CNIH1: variants seen among roughly 807,000 people sequenced by gnomAD.
CNIH1 encodes cornichon family member 1.
CNIH1 carries 12 observed loss-of-function variants against 20.2 expected under a neutral mutation model. That is an observed-to-expected ratio of 0.59 (90% CI 0.38 to 0.96). CNIH1 has a LOEUF of 0.96. Among genes scored for constraint, CNIH1 ranks in the 40% least tolerant of loss-of-function variants. The probability of loss-of-function intolerance (pLI) is 0.00; values close to 1 mark genes in which losing one functional copy is unlikely to be tolerated. For synonymous variants in CNIH1, 69 were observed against 63.3 expected, an observed-to-expected ratio of 1.09 and a Z score of -0.43; for missense variants, 152 against 178.8, an observed-to-expected ratio of 0.85 and a Z score of 0.85.
At chr14:54,432,268 C>A in intron 2 of CNIH1, 48 bp from the exon 3 acceptor site, 1 of 1,008,640 alleles carries the variant, frequency 9.9e-7, no homozygotes, top group Non-Finnish European at 1.4e-6. Context: ...AGCATTAAGT[C>A]AACTACTAAT....
At chr14:54,432,073 T>C (rs1178749896) in intron 3 of CNIH1, 35 bp downstream of exon 3, 1 of 1,190,706 alleles carries the variant, frequency 8.4e-7, no homozygotes, top group South Asian at 1.8e-5. Context: ...TAAGTTTTAA[T>C]TTAAAAAAAT....
intron 1 of CNIH1, among the ~76,000 whole-genome samples, chr14:54,437,092 G>C (rs370021578): frequency 6.6e-6 from 1 of 152,200 alleles, no homozygotes; most frequent in African/African-American, 2.4e-5. Context: ...ACATACATTT[G>C]TAAGGATGCT....
At chr14:54,432,957 A>C (rs2030978931) in intron 2 of CNIH1, among the ~76,000 whole-genome samples, 1 of 152,174 alleles carries the variant, frequency 6.6e-6, no homozygotes, top group Non-Finnish European at 1.5e-5. Context: ...TACAGACACA[A>C]CAGAAGACCA....
At chr14:54,432,765 C>A (rs2030974922) in intron 2 of CNIH1, among the ~76,000 whole-genome samples, 1 of 152,140 alleles carries the variant, frequency 6.6e-6, no homozygotes, top group African/African-American at 2.4e-5. Context: ...GCCAATCAGC[C>A]AATAATCTCA....
intron 2 of CNIH1, among the ~76,000 whole-genome samples, chr14:54,432,846 A>G (rs2030976863): frequency 6.6e-6 from 1 of 152,210 alleles, no homozygotes; most frequent in Non-Finnish European, 1.5e-5. Context: ...AGGAGGGAAA[A>G]GACTGAGTTC....
chr14:54,441,261 A>G lies in CNIH1; in HGVS notation c.67T>C (p.Phe23Leu). 1 of 1,518,828 alleles carries G rather than the reference A, an allele frequency of 6.6e-7. No individual in the cohort carries two copies. Among genetic ancestry groups the G allele is most frequent in the Non-Finnish European group, 8.8e-7 (1 of 1,131,026 alleles). The allele number at this position is 1,518,828 out of a possible 1,614,324, so 94.1% of individuals were successfully genotyped here. A position where few individuals can be genotyped will look rare whatever the true frequency, so the allele number is the denominator to read the frequency against. The change falls in exon 1 of 5, where the codon TTC becomes CTC. Residue 23 changes from phenylalanine (F) to leucine (L), a missense_variant. Phe to Leu is a conservative substitution (Grantham distance 22). Transcript: ENST00000216416. Reference sequence around the variant, plus strand: ...CAGCTACTCACGTGCCAAATGGCGAAGAAGATGAGCGCGGCAGTGAGCAGC... The same window carrying G: ...CAGCTACTCACGTGCCAAATGGCGAGGAAGATGAGCGCGGCAGTGAGCAGC... ...ALLLTAALIF[F>L]AIWHIIAFDE...
chr14:54,430,161 G>T, intron 4 of CNIH1, 100 bp downstream of exon 4: 1 of 1,260,266 alleles, frequency 7.9e-7, no homozygotes, highest in Non-Finnish European at 1.1e-6. Flanking sequence ...AAGACACTAA[G>T]TTATTCTTCA....
chr14:54,427,856 A>G lies in CNIH1; in HGVS notation c.408-15T>C. On this transcript the variant is annotated splice_polypyrimidine_tract_variant and intron_variant, in intron 4 of 4. Coordinates refer to ENST00000216416, the MANE Select transcript of CNIH1 (RefSeq NM_005776.3). ...CATAGATCATGCTGAAAAGAAGAAA[A>G]AAGATGTTAATTTGAACATTACTAA... The G allele has an allele frequency of 6.2e-7, 1 of 1,612,688 alleles. No individual in the cohort carries two copies.
In CNIH1 at chr14:54,426,133, T is replaced by C. The variant is rs945654505; in HGVS notation, c.*1681A>G. The C allele has an allele frequency of 2.0e-5, 3 of 152,190 alleles. No homozygotes were observed. The highest frequency in any genetic ancestry group is 7.2e-5 in the African/African-American group (3 of 41,456). 9.4% of individuals were successfully genotyped at this position (152,190 alleles called of 1,614,324 possible). A position where few individuals can be genotyped will look rare whatever the true frequency, so the allele number is the denominator to read the frequency against. On this transcript the variant is annotated 3_prime_UTR_variant, in exon 5 of 5. Transcript: ENST00000216416. ...AGTACTCAATAAATAATTTGTTACA[T>C]GAACTGACCAAGAGTCAGATCCCTC...
chr14:54,427,900 G>A, intron 4 of CNIH1, 59 bp from the exon 5 acceptor site: 1 of 1,509,678 alleles, frequency 6.6e-7, no homozygotes, highest in Non-Finnish European at 9.2e-7. Context: ...AAAAAACTCA[G>A]AGCATGAGAG....
At chr14:54,437,971 T>C (rs2031088151) in intron 1 of CNIH1, among the ~76,000 whole-genome samples, 1 of 148,338 alleles carries the variant, frequency 6.7e-6, no homozygotes, top group African/African-American at 2.5e-5. Flanking sequence ...TCCAGGTGAC[T>C]TCAAGGGTTT....
intron 1 of CNIH1, among the ~76,000 whole-genome samples, chr14:54,440,233 G>A (rs113236286): frequency 6.0e-4 from 92 of 152,232 alleles, no homozygotes; most frequent in African/African-American, 2.0e-3. Flanking sequence ...TAAAATCTAC[G>A]TAAGAGTGAA....
intron 2 of CNIH1, 39 bp from the exon 3 acceptor site, chr14:54,432,259 G>C (rs369060680): frequency 6.9e-6 from 8 of 1,159,152 alleles, no homozygotes; most frequent in African/African-American, 6.3e-5. Flanking sequence ...AAATGCCTCA[G>C]CATTAAGTCA....
chr14:54,434,104 T>C (rs750232280), intron 2 of CNIH1, among the ~76,000 whole-genome samples: 1 of 152,160 alleles, frequency 6.6e-6, no homozygotes. Flanking sequence ...ATGCAAAATA[T>C]AATATTCTCT....
rs1381199988 is a variant in CNIH1, at chr14:54,430,264, T to C, written c.404A>G (p.Tyr135Cys). 2 of 1,613,856 alleles carry C rather than the reference T, an allele frequency of 1.2e-6. No individual in the cohort carries two copies. Among genetic ancestry groups the C allele is most frequent in the African/African-American group, 1.3e-5 (1 of 75,058 alleles). Residue 135 changes from tyrosine (Y) to cysteine (C), a missense_variant, in exon 4 of 5, where the codon TAT becomes TGT. Tyr to Cys is a radical substitution (Grantham distance 194, BLOSUM62 -2). Around this residue, in one of 3 missense-constraint regions of CNIH1, gnomAD observed 28 missense variants for 22.8 expected, o/e 1.23. Coordinates refer to ENST00000216416, the MANE Select transcript of CNIH1 (RefSeq NM_005776.3). ...TCATTTTACCTTTTCAACTTACCCA[T>C]ATAGGTAGTAAAAAAATGCTAGAAG... Reference protein sequence around the residue: ...FYLLAFFYYLYGMIYVLVSS With the variant: ...FYLLAFFYYLCGMIYVLVSS
rs529942428 is a variant in CNIH1 at position 54,424,858 on chromosome 14, A to T, written c.*2956T>A. Reference sequence around the variant, plus strand: ...ACTGGTAGGTCTGTCAGTTCATGGTACAATCAGTGAGGCTAGGAAACTATT... The same window carrying T: ...ACTGGTAGGTCTGTCAGTTCATGGTTCAATCAGTGAGGCTAGGAAACTATT... On this transcript the variant is annotated 3_prime_UTR_variant, in exon 5 of 5. Transcript: ENST00000216416. 2.6e-5 allele frequency: 4 copies of T among 152,310 alleles called. No homozygotes were observed. In the South Asian group the frequency reaches 8.3e-4, roughly 32 times the overall value. 9.4% of individuals were successfully genotyped at this position (152,310 alleles called of 1,614,324 possible).
chr14:54,434,850 CTT>C (rs2031024700), intron 2 of CNIH1, among the ~76,000 whole-genome samples: 1 of 152,162 alleles, frequency 6.6e-6, no homozygotes, highest in Admixed American at 6.5e-5. Context: ...CTTCTTATGT[CTT>C]GTTTCATAAG....
At chr14:54,429,691 C>T (rs1424755503) in intron 4 of CNIH1, among the ~76,000 whole-genome samples, 1 of 151,870 alleles carries the variant, frequency 6.6e-6, no homozygotes, top group Non-Finnish European at 1.5e-5. Context: ...CTTGGTGGGG[C>T]GGAGGTTGCA....
chr14:54,435,817 C>T (rs1358221251), intron 2 of CNIH1, among the ~76,000 whole-genome samples: 1 of 152,220 alleles, frequency 6.6e-6, no homozygotes, highest in East Asian at 1.9e-4. Flanking sequence ...TGTTAACCAA[C>T]TTTCAAGTAC....
Sources: gnomAD v4.1 joint callset for allele counts (sites outside exome capture counted in the v4.1 genomes callset) on GRCh38, gnomAD v4.1.1 for gene constraint, gnomAD v4.1.1 regional missense constraint, MANE v1.5 for transcripts, NCBI Gene and HGNC (gene_info 2026-07-23, HGNC 2026-07-21) for gene names.